Variants in LRP8 observed in about 807,000 individuals in gnomAD.
The protein encoded by LRP8 is LDL receptor related protein 8.
LRP8 carries 46 observed loss-of-function variants against 111.6 expected under a neutral mutation model. The ratio of observed to expected loss-of-function variants is 0.41; its 90% CI spans 0.33 to 0.53. LRP8 has a LOEUF of 0.53. LRP8 is among the 20% of genes least tolerant of loss of function. The pLI, the probability that LRP8 is intolerant of heterozygous loss-of-function variation, is 0.20. For missense variants in LRP8, 959 were observed against 1,297.4 expected (o/e 0.74, Z 4.01); for synonymous variants, 464 against 511.2 (o/e 0.91, Z 1.24).
chr1:53,295,508 C>A (rs990530687), intron 2 of LRP8, among the ~76,000 whole-genome samples: 13 of 152,220 alleles, frequency 8.5e-5, no homozygotes, highest in African/African-American at 3.1e-4. Flanking sequence ...GGGCTGCTCT[C>A]CAGCAGCCAA....
Position 53,246,004 on chromosome 1 carries a change from C to A in LRP8, c.*1014G>T, listed in dbSNP as rs1013157390. ...GTCCTGAAAGAAATTGAAGAAGTTA[C>A]TCAAAGAGCTGAACTTTAAAACAAG... On this transcript the variant is annotated 3_prime_UTR_variant, in exon 19 of 19. Transcript: ENST00000306052. The A allele has an allele frequency of 6.6e-6, 1 of 152,468 alleles. No homozygotes were observed. The highest frequency in any genetic ancestry group is 1.5e-5 in the Non-Finnish European group (1 of 68,040). The allele number at this position is 152,468 out of a possible 1,614,324, so 9.4% of individuals were successfully genotyped here. A position where few individuals can be genotyped will look rare whatever the true frequency, so the allele number is the denominator to read the frequency against.
At chr1:53,321,200 A>C (rs871453) in intron 2 of LRP8, among the ~76,000 whole-genome samples, 7,018 of 152,296 alleles carry the variant, frequency 0.046, 407 homozygotes, top group African/African-American at 0.14. Flanking sequence ...GCGGGAAGAA[A>C]AAGGACACGT....
At chr1:53,251,110 CAT>C (rs1645881482) in intron 16 of LRP8, among the ~76,000 whole-genome samples, 1 of 152,222 alleles carries the variant, frequency 6.6e-6, no homozygotes, top group African/African-American at 2.4e-5. Flanking sequence ...GTTGCTCTCT[CAT>C]GTGTGCTCCC....
At position 53,294,817 on chromosome 1, in the gene LRP8, T is replaced by A. The variant is rs554141325; in HGVS notation, c.245-5128A>T. Among the ~76,000 whole-genome samples the A allele has an allele frequency of 2.0e-5, 3 of 152,042 alleles. No homozygotes were observed. Among genetic ancestry groups the A allele is most frequent in the East Asian group, 3.9e-4 (2 of 5,188 alleles). On this transcript the variant is annotated intron_variant, in intron 2 of 18. Coordinates refer to ENST00000306052, the MANE Select transcript of LRP8 (RefSeq NM_004631.5). This position sits in a 1 kb window ranked among gnomAD's most constrained non-coding sequence, Gnocchi z 4.1. The stretch of plus-strand genomic sequence containing the variant: ...TTGGCTTCCCCCGCCTCCAGAGACA[T>A]CCTTCCCTGAGACAGTATACATCCT...
At position 53,279,010 on chromosome 1, in the gene LRP8, C is replaced by T. The variant is rs1235758044; in HGVS notation, c.496+1577G>A. Among the ~76,000 whole-genome samples, 3 of 151,358 alleles carry T rather than the reference C, an allele frequency of 2.0e-5. No individual in the cohort carries two copies. Among genetic ancestry groups the T allele is most frequent in the Non-Finnish European group, 2.9e-5 (2 of 67,900 alleles). ...TCCTGACCTCGTGATCCTCCTGCCTCGGCCTCCCAAAGTGCTGGGATTACA... is the reference window on the plus strand; with the variant it reads ...TCCTGACCTCGTGATCCTCCTGCCTTGGCCTCCCAAAGTGCTGGGATTACA... On this transcript the variant is annotated intron_variant, in intron 4 of 18. Transcript: ENST00000306052. This position sits in a 1 kb window ranked among gnomAD's most constrained non-coding sequence, Gnocchi z 4.4.
chr1:53,287,079 T>C (rs1215059250), intron 3 of LRP8, among the ~76,000 whole-genome samples: 2 of 152,232 alleles, frequency 1.3e-5, no homozygotes, highest in Non-Finnish European at 2.9e-5. Context: ...GCCTATAATC[T>C]TTCTTTTAGG....
rs1646902628 is a variant in LRP8, at chr1:53,275,933, C to T, written c.884-180G>A. 6.6e-6 allele frequency among the ~76,000 whole-genome samples: 1 copy of T among 152,120 alleles called. No individual in the cohort carries two copies. The highest frequency in any genetic ancestry group is 6.5e-5 in the Admixed American group (1 of 15,278). On this transcript the variant is annotated intron_variant, in intron 5 of 18. Transcript: ENST00000306052. The surrounding 1 kb of genome is among the most constrained non-coding windows in gnomAD (Gnocchi z 4.4). ...CAGTGTACAGATGGGGAGACTGAAG[C>T]TCAGAGAGGGGGAAGGCCTTGCCCA...
intron 15 of LRP8, among the ~76,000 whole-genome samples, chr1:53,257,035 T>A (rs954151923): frequency 2.0e-5 from 3 of 152,188 alleles, no homozygotes; most frequent in African/African-American, 7.2e-5. Context: ...GGGTCTCAGC[T>A]TCCTACAAGA....
chr1:53,311,618 C>T (rs1653015415), intron 2 of LRP8, among the ~76,000 whole-genome samples: 1 of 148,386 alleles, frequency 6.7e-6, no homozygotes. Flanking sequence ...AGTGTGCTCC[C>T]CAGCCCACCC....
chr1:53,281,626 G>A (rs1647113271), intron 3 of LRP8, among the ~76,000 whole-genome samples: 1 of 152,236 alleles, frequency 6.6e-6, no homozygotes, highest in East Asian at 1.9e-4. Context: ...CCAGCATAGA[G>A]GCGGAGAACA....
intron 14 of LRP8, among the ~76,000 whole-genome samples, 191 bp from the exon 15 acceptor site, chr1:53,257,655 A>G (rs1646151785): frequency 1.3e-5 from 2 of 152,250 alleles, no homozygotes; most frequent in South Asian, 4.1e-4. Flanking sequence ...CTTTGATTCA[A>G]TAAAGATGAG....
At chr1:53,310,089 G>A (rs1239630598) in intron 2 of LRP8, among the ~76,000 whole-genome samples, 3 of 152,124 alleles carry the variant, frequency 2.0e-5, no homozygotes, top group Non-Finnish European at 4.4e-5. Context: ...CCTTCAGGGG[G>A]ACAGGAAGGG....
chr1:53,301,794 GT>G (rs1380012783), intron 2 of LRP8, among the ~76,000 whole-genome samples: 1 of 152,070 alleles, frequency 6.6e-6, no homozygotes, highest in Non-Finnish European at 1.5e-5. Context: ...CAGAACGCAG[GT>G]TGTTTCATCC....
chr1:53,299,220 G>A (rs993889265), intron 2 of LRP8, among the ~76,000 whole-genome samples: 10 of 152,276 alleles, frequency 6.6e-5, no homozygotes, highest in East Asian at 1.9e-4. Context: ...GAGGGGTGGC[G>A]GGTCCCTGGC....
At chr1:53,289,267 C>T (rs983699850) in intron 3 of LRP8, 4 of 239,378 alleles carry the variant, frequency 1.7e-5, no homozygotes, top group African/African-American at 4.4e-5. Flanking sequence ...TCCTCAAGAA[C>T]AGCAGCAGGG....
At chr1:53,276,144 A>G (rs945183) in intron 5 of LRP8, among the ~76,000 whole-genome samples, 117,292 of 151,914 alleles carry the variant, frequency 0.77, 46,256 homozygotes, top group African/African-American at 0.94. Context: ...GTGCTGGGAG[A>G]GGTGGAGGTG....
At position 53,264,266 on chromosome 1, in the gene LRP8, T is replaced by C; in HGVS notation, c.1558A>G (p.Thr520Ala). 1 of 1,614,120 alleles carries C rather than the reference T, an allele frequency of 6.2e-7. No individual in the cohort carries two copies. The highest frequency in any genetic ancestry group is 8.5e-7 in the Non-Finnish European group (1 of 1,180,020). ...CCATCAACTGTGGCCACTGAGATGG[T>C]CTTATTGCCCGAGTCAGTCCAGTAG... ...HIYWTDSGNK[T>A]ISVATVDGGR... is the part of the protein sequence containing the mutation. Residue 520 changes from threonine (T) to alanine (A), a missense_variant, in exon 10 of 19, where the codon ACC becomes GCC. By Grantham distance (58) the Thr-to-Ala change is moderately conservative. Coordinates refer to ENST00000306052, the MANE Select transcript of LRP8 (RefSeq NM_004631.5).
At chr1:53,323,048 CT>C (rs954632986) in intron 2 of LRP8, among the ~76,000 whole-genome samples, 3 of 152,186 alleles carry the variant, frequency 2.0e-5, no homozygotes, top group African/African-American at 7.2e-5. Context: ...TCTACCCAGC[CT>C]TTCCGCGAGA....
intron 6 of LRP8, among the ~76,000 whole-genome samples, chr1:53,273,817 T>G (rs1013875299): frequency 2.0e-5 from 3 of 152,106 alleles, no homozygotes; most frequent in Non-Finnish European, 4.4e-5. Flanking sequence ...CCTGGGAAGC[T>G]CAGGAGGATG....
Sources: gnomAD v4.1 joint callset for allele counts (sites outside exome capture counted in the v4.1 genomes callset) on GRCh38, gnomAD v4.1.1 for gene constraint, Gnocchi (gnomAD v3.1) non-coding constraint, MANE v1.5 for transcripts, NCBI Gene and HGNC (gene_info 2026-07-23, HGNC 2026-07-21) for gene names.